The following PRORP variants were observed in gnomAD, a reference collection of about 807,000 sequenced individuals.
PRORP encodes the protein protein only RNase P catalytic subunit, also known as mitochondrial ribonuclease P catalytic subunit.
PRORP carries 51 observed loss-of-function variants against 59.4 expected under a neutral mutation model. The observed-to-expected ratio is 0.86, with a 90% CI of 0.69 to 1.08. PRORP has a LOEUF of 1.08. Ranked by LOEUF, PRORP falls within the 50% of genes least tolerant of loss-of-function variation. The probability of loss-of-function intolerance (pLI) is 0.00; values close to 1 mark genes in which losing one functional copy is unlikely to be tolerated. For synonymous variants in PRORP, 231 were observed against 245.6 expected, an observed-to-expected ratio of 0.94 and a Z score of 0.55; for missense variants, 646 against 690.3, an observed-to-expected ratio of 0.94 and a Z score of 0.72.
intron 5 of PRORP, among the ~76,000 whole-genome samples, chr14:35,216,613 G>C (rs1236611166): frequency 1.3e-5 from 2 of 152,032 alleles, no homozygotes; most frequent in African/African-American, 4.8e-5. Flanking sequence ...ACATTTTTGT[G>C]CCTGTTTTTG....
At position 35,138,105 on chromosome 14, in the gene PRORP, G is replaced by T. The variant is rs568050837; in HGVS notation, c.1167+10494G>T. On this transcript the variant is annotated intron_variant, in intron 4 of 7. Coordinates refer to ENST00000534898, the MANE Select transcript of PRORP (RefSeq NM_014672.4). Reference sequence around the variant, plus strand: ...GGTTTCTCTTGATCCCTCTCTCTTTGGCTTGCCGATGGCTACCTTCTTGTG... The same window carrying T: ...GGTTTCTCTTGATCCCTCTCTCTTTTGCTTGCCGATGGCTACCTTCTTGTG... Among the ~76,000 whole-genome samples the T allele has an allele frequency of 1.4e-5, 2 of 145,580 alleles. 1 individual carries two copies. Among genetic ancestry groups the T allele is most frequent in the South Asian group, 4.5e-4 (2 of 4,494 alleles).
chr14:35,185,598 A>C (rs957179372), intron 5 of PRORP, among the ~76,000 whole-genome samples: 4 of 152,226 alleles, frequency 2.6e-5, no homozygotes, highest in Non-Finnish European at 5.9e-5. Flanking sequence ...ATTCAAGCAA[A>C]GTTGACTAAC....
At chr14:35,187,998 G>A (rs781384507) in intron 5 of PRORP, among the ~76,000 whole-genome samples, 2 of 149,684 alleles carry the variant, frequency 1.3e-5, no homozygotes, top group African/African-American at 2.5e-5. Flanking sequence ...TTACAGGCAC[G>A]GCCACCACAC....
chr14:35,156,258 G>C (rs2047911455), intron 4 of PRORP, among the ~76,000 whole-genome samples: 1 of 152,150 alleles, frequency 6.6e-6, no homozygotes, highest in African/African-American at 2.4e-5. Context: ...TTGTTAATAA[G>C]ATCTCCGGCA....
rs1237233557 is a variant in PRORP, at chr14:35,123,086, C to T, written c.-160C>T. ...CTGCCTTCTTGCTTTTAAGTAGCCC[C>T]AAAAGCAGAACCTTGATTTGTCTGT... On this transcript the variant is annotated 5_prime_UTR_variant, in exon 2 of 8. Transcript: ENST00000534898. The T allele has an allele frequency of 2.0e-5, 15 of 754,128 alleles. 1 individual carries two copies. The highest frequency in any genetic ancestry group is 2.1e-5 in the Non-Finnish European group (10 of 477,618). 46.7% of individuals were successfully genotyped at this position (754,128 alleles called of 1,614,324 possible).
At chr14:35,217,495 T>C (rs2049633925) in intron 5 of PRORP, among the ~76,000 whole-genome samples, 1 of 143,562 alleles carries the variant, frequency 7.0e-6, no homozygotes, top group Non-Finnish European at 1.5e-5. Context: ...AGCAAGACTC[T>C]GTCTCAAAAA....
intron 5 of PRORP, chr14:35,235,230 G>A (rs2050179450): frequency 9.6e-6 from 7 of 725,904 alleles, no homozygotes; most frequent in South Asian, 6.7e-5. Flanking sequence ...TTGGTGATGC[G>A]AGCCACAGAC....
At chr14:35,229,581 A>G (rs1027256481) in intron 5 of PRORP, among the ~76,000 whole-genome samples, 2 of 152,204 alleles carry the variant, frequency 1.3e-5, no homozygotes, top group East Asian at 3.8e-4. Flanking sequence ...GTATTTTAAA[A>G]GGGCATGAAG....
chr14:35,253,767 T>C (rs548825694), intron 5 of PRORP, among the ~76,000 whole-genome samples: 1 of 152,250 alleles, frequency 6.6e-6, no homozygotes, highest in Admixed American at 6.5e-5. Context: ...ATGCTCCTTA[T>C]AGTCTCTTTC....
chr14:35,133,982 C>G (rs1231808778), intron 4 of PRORP, among the ~76,000 whole-genome samples: 1 of 152,208 alleles, frequency 6.6e-6, no homozygotes, highest in Non-Finnish European at 1.5e-5. Flanking sequence ...TACTCCCTGG[C>G]TACTGTCTGT....
rs1162924965 is a variant in PRORP at position 35,277,460 on chromosome 14, T to G, written c.*3894T>G. 1 of 152,198 alleles carries G rather than the reference T, an allele frequency of 6.6e-6. No individual in the cohort carries two copies. The highest frequency in any genetic ancestry group is 1.5e-5 in the Non-Finnish European group (1 of 68,056). The allele number at this position is 152,198 out of a possible 1,614,324, so 9.4% of individuals were successfully genotyped here. A position where few individuals can be genotyped will look rare whatever the true frequency, so the allele number is the denominator to read the frequency against. On this transcript the variant is annotated 3_prime_UTR_variant, in exon 8 of 8. Coordinates refer to ENST00000534898, the MANE Select transcript of PRORP (RefSeq NM_014672.4). ...ATAGGACCAGCTTTTACCTGCCCAG[T>G]CCTGGCCAGTGACAAGCAGTCTGCT... is the stretch of plus-strand genomic sequence containing the variant.
intron 4 of PRORP, among the ~76,000 whole-genome samples, chr14:35,165,436 C>T (rs1209000679): frequency 1.3e-5 from 2 of 152,320 alleles, no homozygotes; most frequent in South Asian, 2.1e-4. Flanking sequence ...ATGATAATAT[C>T]TACCTCATAC....
chr14:35,266,847 C>T lies in PRORP; in HGVS notation c.1396C>T (p.Gln466Ter). ...GGATGAGATGGAAGAGGTGCAAAAG[C>T]AAGCCAGCTGTTTTTTTGCTGATGA... ...SRDEMEEVQK[Q>*]ASCFFADDIS... is the part of the protein sequence containing the mutation. The change falls in exon 6 of 8, where the codon CAA becomes TAA. Residue 466 changes from glutamine to a stop codon, truncating the protein, a stop_gained. Transcript: ENST00000534898. LOFTEE classifies it high-confidence loss of function. 1 of 1,614,116 alleles carries T rather than the reference C, an allele frequency of 6.2e-7. No individual in the cohort carries two copies. Among genetic ancestry groups the T allele is most frequent in the Non-Finnish European group, 8.5e-7 (1 of 1,180,016 alleles).
rs555246867 is a variant in PRORP at position 35,149,289 on chromosome 14, A to C, written c.1167+21678A>C. On this transcript the variant is annotated intron_variant, in intron 4 of 7. Transcript: ENST00000534898. ...GAGTGTGGTGCTATGATCATAGTCCACTGGGGCCTCGAACTCCTGTGCTCA... is the reference window on the plus strand; with the variant it reads ...GAGTGTGGTGCTATGATCATAGTCCCCTGGGGCCTCGAACTCCTGTGCTCA... Among the ~76,000 whole-genome samples, 5 of 151,746 alleles carry C rather than the reference A, an allele frequency of 3.3e-5. No homozygotes were observed. In the East Asian group the frequency reaches 9.7e-4, roughly 30 times the overall value.
intron 4 of PRORP, among the ~76,000 whole-genome samples, chr14:35,141,860 G>A (rs553507545): frequency 4.9e-5 from 7 of 143,772 alleles, no homozygotes; most frequent in African/African-American, 1.7e-4. Flanking sequence ...GGGACTACAG[G>A]CATGTGGCAC....
intron 5 of PRORP, chr14:35,262,914 C>T: frequency 1.3e-6 from 2 of 1,578,412 alleles, no homozygotes; most frequent in Non-Finnish European, 1.7e-6. Flanking sequence ...TGACATTGAG[C>T]TTGTTTCCAA....
intron 4 of PRORP, among the ~76,000 whole-genome samples, chr14:35,148,911 A>ATTT (rs1186320988): frequency 0.029 from 2,388 of 82,872 alleles, 59 homozygotes; most frequent in East Asian, 0.038. Context: ...GCACTTTTTA[A>ATTT]TTTTTTTTTT....
chr14:35,128,069 G>C (rs980265317), intron 4 of PRORP, among the ~76,000 whole-genome samples: 5 of 152,186 alleles, frequency 3.3e-5, no homozygotes, highest in Admixed American at 1.3e-4. Flanking sequence ...CTAGTCAAGA[G>C]AGTTTAGAGT....
chr14:35,179,976 T>G (rs1327125148), intron 4 of PRORP, among the ~76,000 whole-genome samples: 1 of 152,254 alleles, frequency 6.6e-6, no homozygotes. Context: ...GCTGCAGGTC[T>G]GCTGGAGTTT....
Sources: allele counts gnomAD v4.1 joint callset (sites outside exome capture counted in the v4.1 genomes callset), GRCh38; gene constraint gnomAD v4.1.1; transcripts MANE v1.5; gene names NCBI Gene and HGNC (gene_info 2026-07-23, HGNC 2026-07-21).